The following RBFOX1 variants were observed in gnomAD, a reference collection of about 807,000 sequenced individuals.
RBFOX1 encodes RNA binding protein fox-1 homolog 1.
RBFOX1 carries 8 observed loss-of-function variants against 57.7 expected under a neutral mutation model. That is an observed-to-expected ratio of 0.14 (90% CI 0.08 to 0.25). The LOEUF is 0.25. Among genes scored for constraint, RBFOX1 ranks in the 10% least tolerant of loss-of-function variants. RBFOX1 has a pLI of 1.00. For synonymous variants in RBFOX1, 326 were observed against 222.4 expected, an observed-to-expected ratio of 1.47 and a Z score of -4.15; for missense variants, 611 against 548.5, an observed-to-expected ratio of 1.11 and a Z score of -1.14.
intron 4 of RBFOX1, among the ~76,000 whole-genome samples, chr16:7,433,035 A>C (rs2149645276): frequency 6.6e-6 from 1 of 152,320 alleles, no homozygotes; most frequent in East Asian, 1.9e-4. Flanking sequence ...AATGCCACGC[A>C]AAATTCCCGC....
intron 2 of RBFOX1, among the ~76,000 whole-genome samples, chr16:6,486,466 G>C (rs1046757592): frequency 6.6e-6 from 1 of 152,002 alleles, no homozygotes; most frequent in Non-Finnish European, 1.5e-5. Flanking sequence ...GTTGTGTTTA[G>C]CTTTTAGCTT....
At position 7,033,306 on chromosome 16, in the gene RBFOX1, G is replaced by T. The variant is rs528636582; in HGVS notation, c.-15-18751G>T. The stretch of plus-strand genomic sequence containing the variant: ...AGGCCGAGGCGGGCAGATCACCCGA[G>T]GCCAGGAGTTTGAGACCAGCCTGGC... On this transcript the variant is annotated intron_variant, in intron 3 of 15. Transcript: ENST00000550418. Among the ~76,000 whole-genome samples the T allele has an allele frequency of 2.6e-5, 4 of 152,268 alleles. No individual in the cohort carries two copies. In the South Asian group the frequency reaches 8.3e-4, roughly 32 times the overall value.
intron 2 of RBFOX1, among the ~76,000 whole-genome samples, chr16:6,380,185 G>C (rs1430974955): frequency 6.6e-6 from 1 of 152,064 alleles, no homozygotes; most frequent in Non-Finnish European, 1.5e-5. Flanking sequence ...ATGGAAAATG[G>C]GAGAAGGAAT....
intron 1 of RBFOX1, among the ~76,000 whole-genome samples, chr16:6,122,609 C>T (rs1297453616): frequency 6.6e-6 from 1 of 152,172 alleles, no homozygotes; most frequent in Non-Finnish European, 1.5e-5. Context: ...GTGACACCCG[C>T]TCCCCATTAA....
chr16:7,496,108 C>A (rs932469915), intron 4 of RBFOX1, among the ~76,000 whole-genome samples: 9 of 152,126 alleles, frequency 5.9e-5, no homozygotes, highest in Non-Finnish European at 8.8e-5. Context: ...TGCACACATC[C>A]TACCTTCTGG....
At chr16:5,653,853 C>A (rs576008831) in intron 3 of RBFOX1, among the ~76,000 whole-genome samples, 1 of 152,324 alleles carries the variant, frequency 6.6e-6, no homozygotes, top group South Asian at 2.1e-4. Flanking sequence ...CCGTGGCAAA[C>A]TCAGCCAAGA....
rs1181978493 is a variant in RBFOX1 at position 7,713,263 on chromosome 16, A to T, written c.*2518A>T. On this transcript the variant is annotated 3_prime_UTR_variant, in exon 16 of 16. Transcript: ENST00000550418. ...TATCTGTCTTTAGAAATTAGTGTTTATATCACTTACAGTGGTTTGTGAATA... is the reference window on the plus strand; with the variant it reads ...TATCTGTCTTTAGAAATTAGTGTTTTTATCACTTACAGTGGTTTGTGAATA... 6.6e-6 allele frequency: 1 copy of T among 152,236 alleles called. No individual in the cohort carries two copies. The highest frequency in any genetic ancestry group is 6.5e-5 in the Admixed American group (1 of 15,292). 9.4% of individuals were successfully genotyped at this position (152,236 alleles called of 1,614,324 possible).
At chr16:6,193,394 A>ACAT (rs1370343629) in intron 1 of RBFOX1, among the ~76,000 whole-genome samples, 33 of 24,538 alleles carry the variant, frequency 1.3e-3, no homozygotes, top group African/African-American at 3.8e-3. Context: ...TATATATACT[A>ACAT]TATATATATA....
At chr16:6,804,593 A>G (rs2154260581) in intron 3 of RBFOX1, among the ~76,000 whole-genome samples, 1 of 152,296 alleles carries the variant, frequency 6.6e-6, no homozygotes. Context: ...GATTGATTGG[A>G]TTAATATCAA....
intron 3 of RBFOX1, among the ~76,000 whole-genome samples, chr16:5,613,222 A>G (rs1038215640): frequency 6.6e-6 from 1 of 152,024 alleles, no homozygotes; most frequent in Non-Finnish European, 1.5e-5. Flanking sequence ...CTTCAGAAGA[A>G]CCTCCCCACA....
At chr16:7,190,985 A>C (rs1401098258) in intron 4 of RBFOX1, among the ~76,000 whole-genome samples, 4 of 151,974 alleles carry the variant, frequency 2.6e-5, no homozygotes, top group African/African-American at 9.7e-5. Context: ...AAAGGGGCCC[A>C]GGAATGCGAA....
intron 4 of RBFOX1, among the ~76,000 whole-genome samples, chr16:7,129,651 A>T (rs1392240379): frequency 6.6e-6 from 1 of 152,132 alleles, no homozygotes; most frequent in African/African-American, 2.4e-5. Flanking sequence ...TAATGTGGAC[A>T]TTAGGAAGAG....
At chr16:5,976,816 C>A (rs1477903592) in intron 4 of RBFOX1, among the ~76,000 whole-genome samples, 1 of 152,122 alleles carries the variant, frequency 6.6e-6, no homozygotes, top group South Asian at 2.1e-4. Flanking sequence ...TTGCAGTGAG[C>A]CAAAATCATG....
chr16:7,337,836 C>T (rs1568283131), intron 4 of RBFOX1, among the ~76,000 whole-genome samples: 1 of 152,166 alleles, frequency 6.6e-6, no homozygotes, highest in Non-Finnish European at 1.5e-5. Context: ...AGGCACGTGC[C>T]ACCACACCCA....
rs143354408 is a variant in RBFOX1, at chr16:6,835,155, C to T, written c.-16+180505C>T. Among the ~76,000 whole-genome samples, 1,453 of 152,208 alleles carry T rather than the reference C, an allele frequency of 9.5e-3. 13 individuals are homozygous for T. Among genetic ancestry groups the T allele is most frequent in the Non-Finnish European group, 0.016 (1,083 of 68,000 alleles). ...TGACCCTGTGATCTGCCCACCTCGG[C>T]CTCCCACAGTGTTGGGATCACAGGC... On this transcript the variant is annotated intron_variant, in intron 3 of 15. Transcript: ENST00000550418.
At chr16:7,152,701 A>C (rs1251377458) in intron 4 of RBFOX1, among the ~76,000 whole-genome samples, 1 of 152,162 alleles carries the variant, frequency 6.6e-6, no homozygotes, top group African/African-American at 2.4e-5. Context: ...GCATGGGCAA[A>C]ATAAGTTGTG....
chr16:5,593,783 T>A lies in RBFOX1; in HGVS notation c.259-5119T>A, dbSNP rs548225334. ...TATGGAGTGGCCATTCTTTTATTCC[T>A]TTACTTTCCTAATCAACTTGCTTTT... On this transcript the variant is annotated intron_variant, in intron 2 of 2. Transcript: ENST00000585867. Among the ~76,000 whole-genome samples the A allele has an allele frequency of 1.5e-4, 23 of 152,332 alleles. 1 individual carries two copies. The South Asian group carries it at 4.1e-3, about 27-fold the overall frequency.
intron 3 of RBFOX1, among the ~76,000 whole-genome samples, chr16:6,934,538 T>G (rs1009939805): frequency 6.6e-6 from 1 of 152,096 alleles, no homozygotes; most frequent in Non-Finnish European, 1.5e-5. Context: ...GGAGTACTAT[T>G]TGGACATAAA....
intron 1 of RBFOX1, among the ~76,000 whole-genome samples, chr16:5,359,321 G>C (rs567882353): frequency 3.7e-4 from 56 of 152,296 alleles, no homozygotes; most frequent in South Asian, 8.3e-4. Context: ...TTCCTTTTGC[G>C]TGTATACCCA....
Sources: allele counts gnomAD v4.1 joint callset (sites outside exome capture counted in the v4.1 genomes callset), GRCh38; gene constraint gnomAD v4.1.1; transcripts MANE v1.5; gene names NCBI Gene and HGNC (gene_info 2026-07-23, HGNC 2026-07-21).